FGD6: variants seen among roughly 807,000 people sequenced by gnomAD.
FGD6 encodes the protein FYVE, RhoGEF and PH domain-containing protein 6.
FGD6 carries 90 observed loss-of-function variants against 149.4 expected under a neutral mutation model. The observed-to-expected ratio is 0.60, with a 90% CI of 0.51 to 0.72. FGD6 has a LOEUF of 0.72. Among genes scored for constraint, FGD6 ranks in the 30% least tolerant of loss-of-function variants. The pLI is 0.00. For missense variants in FGD6, 1,437 were observed against 1,684.8 expected (o/e 0.85, Z 2.57); for synonymous variants, 527 against 584.0 (o/e 0.90, Z 1.41).
intron 11 of FGD6, among the ~76,000 whole-genome samples, 191 bp from the exon 12 acceptor site, chr12:95,107,822 G>A (rs1878679398): frequency 6.6e-6 from 1 of 152,080 alleles, no homozygotes; most frequent in Non-Finnish European, 1.5e-5. Context: ...AAGCAAGCAG[G>A]GTTGGATAAT....
intron 3 of FGD6, among the ~76,000 whole-genome samples, chr12:95,156,288 C>A (rs1880467166): frequency 6.6e-6 from 1 of 152,150 alleles, no homozygotes; most frequent in African/African-American, 2.4e-5. Flanking sequence ...TCGCTGAATT[C>A]TTTTTCTCAG....
chr12:95,187,342 AAAC>A (rs1202775639), intron 2 of FGD6, among the ~76,000 whole-genome samples: 4 of 140,498 alleles, frequency 2.8e-5, no homozygotes, highest in Admixed American at 7.2e-5. Context: ...AAAAAAAAAA[AAAC>A]AAGTTACTTC....
intron 5 of FGD6, among the ~76,000 whole-genome samples, chr12:95,150,611 C>T (rs548872075): frequency 1.1e-3 from 165 of 151,978 alleles, no homozygotes; most frequent in African/African-American, 3.9e-3. Flanking sequence ...GGTGACAAAA[C>T]ATTGTCCTTT....
intron 8 of FGD6, chr12:95,125,704 T>C (rs1879316510): frequency 1.9e-6 from 1 of 531,634 alleles, no homozygotes; most frequent in East Asian, 3.4e-5. Flanking sequence ...TCTCTCAAAA[T>C]ACCTTTTTCA....
intron 2 of FGD6, among the ~76,000 whole-genome samples, chr12:95,187,658 AAAAAC>A (rs1462966083): frequency 6.6e-5 from 10 of 151,804 alleles, no homozygotes; most frequent in African/African-American, 9.7e-5. Flanking sequence ...TCCCCAAAAA[AAAAAC>A]AAAAAAAAAA....
chr12:95,150,652 C>T (rs1880283995), intron 5 of FGD6, among the ~76,000 whole-genome samples: 1 of 151,776 alleles, frequency 6.6e-6, no homozygotes, highest in Admixed American at 6.6e-5. Context: ...GCTGTGTCAT[C>T]CATGCTAGAG....
chr12:95,109,515 T>C (rs1219128566), intron 9 of FGD6, among the ~76,000 whole-genome samples: 1 of 151,786 alleles, frequency 6.6e-6, no homozygotes, highest in Non-Finnish European at 1.5e-5. Context: ...GAGGGAAGCA[T>C]CTCCTCCTGA....
At chr12:95,206,860 G>A (rs2056695379) in intron 2 of FGD6, among the ~76,000 whole-genome samples, 1 of 152,086 alleles carries the variant, frequency 6.6e-6, no homozygotes, top group African/African-American at 2.4e-5. Flanking sequence ...AAAGGAGGAA[G>A]GGCAGGAAAG....
chr12:95,197,998 C>A (rs6538616), intron 2 of FGD6, among the ~76,000 whole-genome samples: 133,359 of 152,228 alleles, frequency 0.88, 58,751 homozygotes, highest in African/African-American at 0.96. Context: ...GGGGTCTCTA[C>A]AAATGCTCAT....
chr12:95,208,793 A>C, intron 2 of FGD6, 50 bp downstream of exon 2: 5 of 1,552,400 alleles, frequency 3.2e-6, no homozygotes, highest in Non-Finnish European at 4.3e-6. Flanking sequence ...CAGGCTGTTG[A>C]AGGTTAATTG....
At chr12:95,121,481 G>GTATATGTA (rs1879189339) in intron 8 of FGD6, among the ~76,000 whole-genome samples, 16 of 121,882 alleles carry the variant, frequency 1.3e-4, no homozygotes, top group East Asian at 1.3e-3. Flanking sequence ...ATATATATAT[G>GTATATGTA]TATATATATA....
intron 2 of FGD6, among the ~76,000 whole-genome samples, chr12:95,208,349 C>T (rs1248960853): frequency 2.6e-5 from 4 of 152,052 alleles, no homozygotes; most frequent in Non-Finnish European, 4.4e-5. Flanking sequence ...TTGAGGTCAG[C>T]AATTAGCCAT....
Position 95,089,567 on chromosome 12 carries a change from A to G in FGD6, c.3978+2T>C. 1 of 1,613,252 alleles carries G rather than the reference A, an allele frequency of 6.2e-7. No individual in the cohort carries two copies. Among genetic ancestry groups the G allele is most frequent in the Non-Finnish European group, 8.5e-7 (1 of 1,179,508 alleles). ...CATTGCAAATTTAATGGAAACACTTACTTCTTTGAGAGCAGCTGGGATTTT... is the reference window on the plus strand; with the variant it reads ...CATTGCAAATTTAATGGAAACACTTGCTTCTTTGAGAGCAGCTGGGATTTT... On this transcript the variant is annotated splice_donor_variant, in intron 18 of 20. Transcript: ENST00000343958. LOFTEE classifies it high-confidence loss of function.
At chr12:95,112,665 C>T in intron 9 of FGD6, among the ~76,000 whole-genome samples, 1 of 152,114 alleles carries the variant, frequency 6.6e-6, no homozygotes, top group Admixed American at 6.6e-5. Context: ...TAAACAGAAA[C>T]ACCCAAACAG....
At chr12:95,097,181 G>A (rs1878259486) in intron 14 of FGD6, among the ~76,000 whole-genome samples, 1 of 152,162 alleles carries the variant, frequency 6.6e-6, no homozygotes, top group African/African-American at 2.4e-5. Flanking sequence ...AGATATTCTA[G>A]TCTCCTTTTG....
intron 3 of FGD6, 137 bp from the exon 4 acceptor site, chr12:95,153,130 A>G: frequency 1.4e-6 from 1 of 691,848 alleles, no homozygotes; most frequent in Admixed American, 2.7e-5. Flanking sequence ...TAACATTTCA[A>G]ATGGCAAACG....
Position 95,089,630 on chromosome 12 carries a change from G to A in FGD6, c.3917C>T (p.Ser1306Leu). The A allele has an allele frequency of 6.2e-7, 1 of 1,613,990 alleles. No homozygotes were observed. The highest frequency in any genetic ancestry group is 1.1e-5 in the South Asian group (1 of 91,072). Residue 1306 changes from serine (S) to leucine (L), a missense_variant, in exon 18 of 21, where the codon TCA (serine) becomes TTA (leucine). Transcript: ENST00000343958. ...CCCTGATGGAATGCTATGTAAGACT[G>A]ATGATAAGGCACTTGAAGGAGATTT... ...NHKSPSSALSSVLHSIPSGRK... is the reference protein window; with the variant it reads ...NHKSPSSALSLVLHSIPSGRK...
intron 20 of FGD6, 127 bp from the exon 21 acceptor site, chr12:95,081,683 G>A (rs61938189): frequency 1.0e-4 from 29 of 279,270 alleles, no homozygotes; most frequent in African/African-American, 6.6e-4. Flanking sequence ...ATATATATAT[G>A]TATTTTTTTT....
In FGD6 at chr12:95,091,809, T is replaced by C. The variant is rs374493510; in HGVS notation, c.3748A>G (p.Ile1250Val). 3.0e-5 allele frequency: 48 copies of C among 1,603,650 alleles called. No individual in the cohort carries two copies. Among genetic ancestry groups the C allele is most frequent in the Admixed American group, 1.7e-4 (10 of 59,358 alleles). ...RRHHCRACGKIVCQACSSNKY... is the reference protein window; with the variant it reads ...RRHHCRACGKVVCQACSSNKY... ...TTAGACGAACAAGCTTGGCATACAA[T>C]CTGAAAACACATTGGAATTATGTCA... The change falls in exon 17 of 21, where the codon ATT becomes GTT. Residue 1250 changes from isoleucine (I) to valine (V), a missense_variant and splice_region_variant. Physicochemically the swap from Ile to Val is conservative, Grantham distance 29. Around this residue, in one of 2 missense-constraint regions of FGD6, gnomAD observed 382 missense variants for 538.7 expected, o/e 0.71. Coordinates refer to ENST00000343958, the MANE Select transcript of FGD6 (RefSeq NM_018351.4).
Sources: gnomAD v4.1 joint callset for allele counts (sites outside exome capture counted in the v4.1 genomes callset) on GRCh38, gnomAD v4.1.1 for gene constraint, gnomAD v4.1.1 regional missense constraint, MANE v1.5 for transcripts, NCBI Gene and HGNC (gene_info 2026-07-23, HGNC 2026-07-21) for gene names.